Variants in GALNTL6 observed in about 807,000 individuals in gnomAD.
GALNTL6 encodes polypeptide N-acetylgalactosaminyltransferase-like 6.
A neutral mutation model predicts 73.7 loss-of-function variants in GALNTL6; 46 were observed. That is an observed-to-expected ratio of 0.62 (90% CI 0.49 to 0.80). The LOEUF is 0.80. Among genes scored for constraint, GALNTL6 ranks in the 30% least tolerant of loss-of-function variants. The pLI is 0.00. For synonymous variants in GALNTL6, 259 were observed against 263.7 expected, an observed-to-expected ratio of 0.98 and a Z score of 0.17; for missense variants, 604 against 755.0, an observed-to-expected ratio of 0.80 and a Z score of 2.34.
chr4:173,032,046 A>G (rs1473195158), intron 12 of GALNTL6, among the ~76,000 whole-genome samples: 1 of 152,244 alleles, frequency 6.6e-6, no homozygotes, highest in African/African-American at 2.4e-5. Context: ...CCCTGAGATA[A>G]GCAAGATATT....
intron 5 of GALNTL6, among the ~76,000 whole-genome samples, chr4:172,539,147 A>G (rs914643149): frequency 6.6e-6 from 1 of 152,186 alleles, no homozygotes; most frequent in African/African-American, 2.4e-5. Context: ...AAAAATGTAC[A>G]TGAATTTTTT....
At chr4:172,169,593 C>T in intron 2 of GALNTL6, among the ~76,000 whole-genome samples, 1 of 151,848 alleles carries the variant, frequency 6.6e-6, no homozygotes, top group East Asian at 1.9e-4. Context: ...GATAATATTT[C>T]AGGATAGAAA....
intron 5 of GALNTL6, among the ~76,000 whole-genome samples, chr4:172,736,432 T>A (rs934163248): frequency 2.6e-5 from 4 of 152,232 alleles, no homozygotes; most frequent in Non-Finnish European, 5.9e-5. Flanking sequence ...GGCCTTATGG[T>A]TATCTCCCTT....
rs117581225 is a variant in GALNTL6, at chr4:172,641,298, C to T, written c.554-168063C>T. Among the ~76,000 whole-genome samples, 154 of 152,144 alleles carry T rather than the reference C, an allele frequency of 1.0e-3. 2 individuals carry two copies. In the East Asian group the frequency reaches 0.028, roughly 28 times the overall value. The stretch of plus-strand genomic sequence containing the variant: ...CTATATTACTCTTCTATTCAAAATC[C>T]TTCAATGGCTTGACGTTTCACTTGG... On this transcript the variant is annotated intron_variant, in intron 5 of 12. Transcript: ENST00000506823.
intron 8 of GALNTL6, among the ~76,000 whole-genome samples, chr4:172,921,509 T>C (rs1349256785): frequency 6.6e-6 from 1 of 152,020 alleles, no homozygotes; most frequent in Non-Finnish European, 1.5e-5. Flanking sequence ...AAGAAAAAAA[T>C]GCCAGGCCAG....
At chr4:172,092,221 A>G (rs1361654376) in intron 2 of GALNTL6, among the ~76,000 whole-genome samples, 1 of 152,140 alleles carries the variant, frequency 6.6e-6, no homozygotes, top group Admixed American at 6.5e-5. Flanking sequence ...TAAAAATCAA[A>G]TTTGGTTATT....
At chr4:172,635,406 A>C (rs945209276) in intron 5 of GALNTL6, among the ~76,000 whole-genome samples, 1 of 152,192 alleles carries the variant, frequency 6.6e-6, no homozygotes, top group Non-Finnish European at 1.5e-5. Context: ...ATTACAATTC[A>C]AACTCATATT....
At chr4:172,170,895 T>G (rs1734798800) in intron 2 of GALNTL6, among the ~76,000 whole-genome samples, 1 of 152,244 alleles carries the variant, frequency 6.6e-6, no homozygotes, top group Admixed American at 6.5e-5. Flanking sequence ...TTAAACTATA[T>G]TTTACATATG....
At chr4:172,998,832 T>TC (rs1233744059) in intron 10 of GALNTL6, among the ~76,000 whole-genome samples, 2 of 152,082 alleles carry the variant, frequency 1.3e-5, no homozygotes, top group African/African-American at 4.8e-5. Flanking sequence ...TCCCTGGAGT[T>TC]CCCCCCTCAA....
chr4:172,591,851 AG>A (rs1255477668), intron 5 of GALNTL6, among the ~76,000 whole-genome samples: 1 of 152,210 alleles, frequency 6.6e-6, no homozygotes, highest in African/African-American at 2.4e-5. Flanking sequence ...GGGTTCATGT[AG>A]GTATTGGTGC....
chr4:172,929,601 C>T (rs866451236), intron 8 of GALNTL6, among the ~76,000 whole-genome samples: 2 of 152,112 alleles, frequency 1.3e-5, no homozygotes, highest in Admixed American at 6.5e-5. Flanking sequence ...TCTATTAACA[C>T]CTTCATCCAA....
chr4:172,769,860 A>T (rs1738659575), intron 5 of GALNTL6, among the ~76,000 whole-genome samples: 1 of 152,232 alleles, frequency 6.6e-6, no homozygotes, highest in South Asian at 2.1e-4. Flanking sequence ...TTTGGATTCA[A>T]ATCCCAACTT....
intron 10 of GALNTL6, among the ~76,000 whole-genome samples, chr4:173,005,637 A>C (rs1211502511): frequency 2.0e-5 from 3 of 152,228 alleles, no homozygotes; most frequent in Non-Finnish European, 4.4e-5. Flanking sequence ...AAATGAGAGA[A>C]TCTGAACATG....
chr4:171,894,698 A>T (rs1736858821), intron 2 of GALNTL6, among the ~76,000 whole-genome samples: 1 of 152,196 alleles, frequency 6.6e-6, no homozygotes, highest in Non-Finnish European at 1.5e-5. Flanking sequence ...ATCAAAGTTA[A>T]ATGATTCAAG....
intron 2 of GALNTL6, among the ~76,000 whole-genome samples, chr4:171,894,561 G>A (rs1736854301): frequency 6.6e-6 from 1 of 152,154 alleles, no homozygotes; most frequent in Non-Finnish European, 1.5e-5. Context: ...GAAATTTTTT[G>A]AAAAGATGGA....
At chr4:172,521,978 C>A (rs1447717318) in intron 5 of GALNTL6, among the ~76,000 whole-genome samples, 1 of 152,030 alleles carries the variant, frequency 6.6e-6, no homozygotes, top group African/African-American at 2.4e-5. Flanking sequence ...ATTAATATCC[C>A]CCCAAAAGGA....
At chr4:172,777,616 G>C (rs961621425) in intron 5 of GALNTL6, among the ~76,000 whole-genome samples, 1 of 152,088 alleles carries the variant, frequency 6.6e-6, no homozygotes, top group Non-Finnish European at 1.5e-5. Flanking sequence ...AAATTTACAC[G>C]ATCATTCATT....
intron 2 of GALNTL6, among the ~76,000 whole-genome samples, chr4:171,832,745 T>C (rs571770400): frequency 2.6e-5 from 4 of 151,804 alleles, no homozygotes; most frequent in South Asian, 4.2e-4. Context: ...ATTAATAAGA[T>C]TGATTTTTAT....
At chr4:172,840,183 G>T (rs552615845) in intron 7 of GALNTL6, among the ~76,000 whole-genome samples, 1 of 152,304 alleles carries the variant, frequency 6.6e-6, no homozygotes, top group African/African-American at 2.4e-5. Context: ...AGATATGAAA[G>T]TATGGTTAAT....
Sources: allele counts gnomAD v4.1 joint callset (sites outside exome capture counted in the v4.1 genomes callset), GRCh38; gene constraint gnomAD v4.1.1; transcripts MANE v1.5; gene names NCBI Gene and HGNC (gene_info 2026-07-23, HGNC 2026-07-21).